LAPTM4B: variants seen among roughly 807,000 people sequenced by gnomAD.
LAPTM4B encodes the protein lysosomal protein transmembrane 4 beta, also known as lysosomal-associated transmembrane protein 4B.
Under a neutral mutation model 28.5 loss-of-function variants are expected in LAPTM4B, and 26 were observed. That is an observed-to-expected ratio of 0.91 (90% CI 0.67 to 1.27). LAPTM4B has a LOEUF of 1.27. Ranked by LOEUF, LAPTM4B falls within the 50% of genes most tolerant of loss-of-function variation. LAPTM4B has a pLI of 0.00. For synonymous variants in LAPTM4B, 109 were observed against 106.4 expected (o/e 1.02, Z -0.15); for missense variants, 288 against 285.8 (o/e 1.01, Z -0.06).
chr8:97,794,133 T>C (rs1816545705), intron 1 of LAPTM4B, among the ~76,000 whole-genome samples: 1 of 151,858 alleles, frequency 6.6e-6, no homozygotes, highest in Non-Finnish European at 1.5e-5. Flanking sequence ...GCACCTGCCA[T>C]CACACCTGGC....
chr8:97,818,010 A>T (rs759867569), intron 4 of LAPTM4B, among the ~76,000 whole-genome samples: 2 of 151,380 alleles, frequency 1.3e-5, no homozygotes, highest in South Asian at 4.2e-4. Context: ...ATGGGGTTTG[A>T]CTATGTTGTC....
At chr8:97,777,455 A>T (rs1816242186) in intron 1 of LAPTM4B, among the ~76,000 whole-genome samples, 1 of 151,894 alleles carries the variant, frequency 6.6e-6, no homozygotes, top group Non-Finnish European at 1.5e-5. Context: ...CGGCCGAGAA[A>T]AATTCTTATC....
intron 6 of LAPTM4B, among the ~76,000 whole-genome samples, chr8:97,838,986 G>T (rs1330500840): frequency 6.6e-6 from 1 of 152,114 alleles, no homozygotes; most frequent in Non-Finnish European, 1.5e-5. Flanking sequence ...TCCCGATGTT[G>T]TCATATGCGC....
chr8:97,783,121 A>T (rs1376811164), intron 1 of LAPTM4B, among the ~76,000 whole-genome samples: 2 of 146,742 alleles, frequency 1.4e-5, no homozygotes, highest in African/African-American at 2.5e-5. Flanking sequence ...TTTTTTAGGA[A>T]CTTAGACACA....
intron 6 of LAPTM4B, among the ~76,000 whole-genome samples, chr8:97,828,435 G>A (rs562892029): frequency 6.6e-6 from 1 of 152,148 alleles, no homozygotes; most frequent in East Asian, 1.9e-4. Context: ...GACAAGGTCC[G>A]AATAAGAGAA....
rs370985302 is a variant in LAPTM4B, at chr8:97,794,759, G to A, written c.100-10594G>A. Among the ~76,000 whole-genome samples, 134 of 152,048 alleles carry A rather than the reference G, an allele frequency of 8.8e-4. 1 individual carries two copies. Among genetic ancestry groups the A allele is most frequent in the Middle Eastern group, 6.8e-3 (2 of 294 alleles). ...GATGGAGTCTCGCTCTGTCACCCAC[G>A]CTGGAGTGCAATGGCGTGATCTTGG... is the stretch of plus-strand genomic sequence containing the variant. On this transcript the variant is annotated intron_variant, in intron 1 of 6. Transcript: ENST00000521545.
At chr8:97,837,487 A>C (rs1817280021) in intron 6 of LAPTM4B, among the ~76,000 whole-genome samples, 1 of 151,840 alleles carries the variant, frequency 6.6e-6, no homozygotes. Context: ...GCAGGTTATT[A>C]CTTCCGAGTA....
chr8:97,782,548 C>T (rs1816338418), intron 1 of LAPTM4B, among the ~76,000 whole-genome samples: 1 of 151,744 alleles, frequency 6.6e-6, no homozygotes, highest in Non-Finnish European at 1.5e-5. Flanking sequence ...AAGCGATTCT[C>T]CTGCCTCAGT....
At chr8:97,808,265 A>G (rs1381363144) in intron 2 of LAPTM4B, among the ~76,000 whole-genome samples, 2 of 151,994 alleles carry the variant, frequency 1.3e-5, no homozygotes, top group Middle Eastern at 3.4e-3. Context: ...CCTGTCCAAC[A>G]TGGCAAAACC....
intron 3 of LAPTM4B, 66 bp from the exon 4 acceptor site, chr8:97,815,992 G>T: frequency 2.6e-6 from 3 of 1,139,690 alleles, no homozygotes; most frequent in East Asian, 5.6e-5. Flanking sequence ...AAAATACTTT[G>T]AATTTAAGAA....
chr8:97,785,578 C>CTG (rs1816387327), intron 1 of LAPTM4B, among the ~76,000 whole-genome samples: 1 of 152,194 alleles, frequency 6.6e-6, no homozygotes, highest in African/African-American at 2.4e-5. Context: ...AGAATATAGA[C>CTG]TGACGTTGCC....
chr8:97,805,177 G>C (rs775300724), intron 1 of LAPTM4B, among the ~76,000 whole-genome samples, 176 bp from the exon 2 acceptor site: 2 of 152,164 alleles, frequency 1.3e-5, no homozygotes, highest in Non-Finnish European at 2.9e-5. Flanking sequence ...CAGCATTTCT[G>C]CCTTGGGAAT....
At chr8:97,813,704 C>G (rs1475544777) in intron 2 of LAPTM4B, among the ~76,000 whole-genome samples, 1 of 119,544 alleles carries the variant, frequency 8.4e-6, no homozygotes, top group Non-Finnish European at 1.9e-5. Context: ...TTCTCCAATG[C>G]ATTTTATTGT....
intron 2 of LAPTM4B, among the ~76,000 whole-genome samples, chr8:97,807,756 T>C (rs994492276): frequency 2.0e-5 from 3 of 151,924 alleles, no homozygotes; most frequent in Non-Finnish European, 4.4e-5. Context: ...GGAGGAAGAA[T>C]GAGAGAGTAA....
chr8:97,837,559 C>G (rs1269922024), intron 6 of LAPTM4B, among the ~76,000 whole-genome samples: 1 of 151,276 alleles, frequency 6.6e-6, no homozygotes, highest in Non-Finnish European at 1.5e-5. Context: ...TTTTTTTTCC[C>G]TTCATAAAAG....
chr8:97,811,375 G>A (rs1038303777), intron 2 of LAPTM4B, among the ~76,000 whole-genome samples: 16 of 152,178 alleles, frequency 1.1e-4, no homozygotes, highest in African/African-American at 3.9e-4. Flanking sequence ...ATAGCCAAAA[G>A]TTGGAAACAA....
intron 5 of LAPTM4B, among the ~76,000 whole-genome samples, chr8:97,823,349 T>TTG (rs1359063965): frequency 4.1e-4 from 15 of 36,716 alleles, no homozygotes; most frequent in African/African-American, 2.1e-3. Context: ...ATATGGTTTT[T>TTG]TTTTTTGTTT....
intron 6 of LAPTM4B, among the ~76,000 whole-genome samples, chr8:97,846,970 A>G (rs374687413): frequency 1.3e-5 from 2 of 152,230 alleles, no homozygotes. Flanking sequence ...CAACTGTTCT[A>G]TATGTTGATG....
chr8:97,824,116 A>G lies in LAPTM4B; in HGVS notation c.508-942A>G, dbSNP rs142913275. 6.9e-4 allele frequency among the ~76,000 whole-genome samples: 105 copies of G among 152,220 alleles called. 1 individual carries two copies. In the South Asian group the frequency reaches 0.014, roughly 20 times the overall value. ...TGCTTCTACTTTTTGGCTATTATGA[A>G]TAATGCTGCTGTGAACATTCAAGTT... On this transcript the variant is annotated intron_variant, in intron 5 of 6. Coordinates refer to ENST00000521545, the MANE Select transcript of LAPTM4B (RefSeq NM_018407.6).
Sources: gnomAD v4.1 joint callset for allele counts (sites outside exome capture counted in the v4.1 genomes callset) on GRCh38, gnomAD v4.1.1 for gene constraint, MANE v1.5 for transcripts, NCBI Gene and HGNC (gene_info 2026-07-23, HGNC 2026-07-21) for gene names.